Variants in DPP6 observed in about 807,000 individuals in gnomAD.
DPP6 encodes the protein A-type potassium channel modulatory protein DPP6.
Under a neutral mutation model 122.6 loss-of-function variants are expected in DPP6, and 69 were observed. That is an observed-to-expected ratio of 0.56 (90% CI 0.46 to 0.69). The LOEUF (loss-of-function observed/expected upper bound fraction) is 0.69, where lower values mean the gene tolerates loss of function less well. Among genes scored for constraint, DPP6 ranks in the 30% least tolerant of loss-of-function variants. The probability of loss-of-function intolerance (pLI) is 0.00; values close to 1 mark genes in which losing one functional copy is unlikely to be tolerated. For missense variants in DPP6, 928 were observed against 1,116.9 expected (o/e 0.83, Z 2.41); for synonymous variants, 418 against 433.1 (o/e 0.97, Z 0.43).
rs77923820 is a variant in DPP6, at chr7:154,189,420, A to T, written c.243+136357A>T. On this transcript the variant is annotated intron_variant, in intron 1 of 25. Coordinates refer to ENST00000377770, the MANE Select transcript of DPP6 (RefSeq NM_130797.4). The stretch of plus-strand genomic sequence containing the variant: ...AATTTAATATTAATACTGTTTATAC[A>T]GCAGCTATTAAAATAACTAGCACAT... Among the ~76,000 whole-genome samples, 1,326 of 152,328 alleles carry T rather than the reference A, an allele frequency of 8.7e-3. 17 individuals carry two copies. The highest frequency in any genetic ancestry group is 0.03 in the African/African-American group (1,263 of 41,560).
intron 1 of DPP6, among the ~76,000 whole-genome samples, chr7:153,950,955 A>G (rs1802182851): frequency 6.6e-6 from 1 of 152,174 alleles, no homozygotes; most frequent in Non-Finnish European, 1.5e-5. Context: ...GACAGGATGG[A>G]GCACAGGGAG....
At chr7:154,125,326 A>C (rs1563223054) in intron 1 of DPP6, among the ~76,000 whole-genome samples, 3 of 152,278 alleles carry the variant, frequency 2.0e-5, no homozygotes. Flanking sequence ...GCTTCTGTTT[A>C]TATACCGCCT....
chr7:154,354,167 C>T (rs1238346052), intron 1 of DPP6, among the ~76,000 whole-genome samples: 1 of 152,176 alleles, frequency 6.6e-6, no homozygotes, highest in Non-Finnish European at 1.5e-5. Context: ...CACCTAAACC[C>T]TTCTTCTCAG....
chr7:154,384,012 C>T (rs1813865236), intron 1 of DPP6, among the ~76,000 whole-genome samples: 1 of 152,202 alleles, frequency 6.6e-6, no homozygotes, highest in South Asian at 2.1e-4. Context: ...ACGGTGATGG[C>T]CTCCATGGTC....
At chr7:154,062,335 C>A (rs1370730743) in intron 1 of DPP6, among the ~76,000 whole-genome samples, 2 of 52,912 alleles carry the variant, frequency 3.8e-5, no homozygotes, top group East Asian at 5.1e-4. Context: ...GGGGGAGGCA[C>A]CCCCCGCGAG....
chr7:153,892,180 G>A (rs768543957), intron 1 of DPP6, among the ~76,000 whole-genome samples: 4 of 152,214 alleles, frequency 2.6e-5, no homozygotes, highest in African/African-American at 9.6e-5. Context: ...GCATTTGACC[G>A]TTTTGCTGAT....
intron 1 of DPP6, among the ~76,000 whole-genome samples, chr7:154,248,955 G>A (rs1233093201): frequency 6.6e-6 from 1 of 152,176 alleles, no homozygotes; most frequent in African/African-American, 2.4e-5. Flanking sequence ...GAAAGAAAAA[G>A]GGGACATGTC....
chr7:154,836,544 G>C (rs1049112458), intron 16 of DPP6, among the ~76,000 whole-genome samples: 4 of 152,100 alleles, frequency 2.6e-5, no homozygotes, highest in African/African-American at 7.2e-5. Context: ...CATTCATTAT[G>C]TGTTACAAAA....
intron 4 of DPP6, among the ~76,000 whole-genome samples, chr7:154,542,304 C>T (rs1828791880): frequency 1.3e-5 from 2 of 152,118 alleles, no homozygotes; most frequent in Non-Finnish European, 2.9e-5. Context: ...ATTCAACTCA[C>T]TTAGAAATAC....
chr7:154,873,996 GCACACATACA>G lies in DPP6; in HGVS notation c.1883+1311_1883+1320del, dbSNP rs1312086415. ...TAAGCACACACATGCATACCCACAT[GCACACATACA>G]CACACATGCACACACATACGTGTGC... On this transcript the variant is annotated intron_variant, in intron 19 of 25. Coordinates refer to ENST00000377770, the MANE Select transcript of DPP6 (RefSeq NM_130797.4). Among the ~76,000 whole-genome samples, 6 of 148,188 alleles carry G rather than the reference GCACACATACA, an allele frequency of 4.0e-5. No individual in the cohort carries two copies. In the South Asian group the frequency reaches 8.6e-4, roughly 21 times the overall value.
In DPP6 at chr7:154,803,939, G is replaced by A. The variant is rs1798535851; in HGVS notation, c.1483G>A (p.Glu495Lys). The change falls in exon 14 of 26, where the codon GAG (glutamate) becomes AAG (lysine). Residue 495 changes from glutamate to lysine, a missense_variant. Glu to Lys is a moderately conservative substitution (Grantham distance 56). Coordinates refer to ENST00000377770, the MANE Select transcript of DPP6 (RefSeq NM_130797.4). ...CGTGACCAAGATCCTAGCCTACGAT[G>A]AGAAGGGGAATAAGATGTGAGTGAG... The part of the protein sequence containing the change: ...WDVTKILAYD[E>K]KGNKIYFLST... 1 of 1,613,662 alleles carries A rather than the reference G, an allele frequency of 6.2e-7. No individual in the cohort carries two copies. The highest frequency in any genetic ancestry group is 1.3e-5 in the African/African-American group (1 of 74,952).
At chr7:153,966,482 C>T (rs1256526006) in intron 1 of DPP6, among the ~76,000 whole-genome samples, 2 of 147,508 alleles carry the variant, frequency 1.4e-5, no homozygotes, top group African/African-American at 5.0e-5. Context: ...CCGCCTTGGC[C>T]CCTTCTCCCG....
intron 1 of DPP6, among the ~76,000 whole-genome samples, chr7:154,348,563 A>G (rs1422820503): frequency 6.6e-6 from 1 of 152,218 alleles, no homozygotes; most frequent in African/African-American, 2.4e-5. Flanking sequence ...AAGTCATTTT[A>G]GACTCATGAA....
Position 154,340,892 on chromosome 7 carries a change from G to C in DPP6, c.244-105322G>C, listed in dbSNP as rs1268017800. 3.9e-5 allele frequency among the ~76,000 whole-genome samples: 6 copies of C among 152,098 alleles called. No individual in the cohort carries two copies. In the East Asian group the frequency reaches 9.6e-4, roughly 24 times the overall value. ...CCGTGTCCACTACAGAATGCCTGGC[G>C]CTGCTCTTTTTGGCTCTGAGTGTGC... On this transcript the variant is annotated intron_variant, in intron 1 of 25. Coordinates refer to ENST00000377770, the MANE Select transcript of DPP6 (RefSeq NM_130797.4).
At chr7:153,883,180 A>G (rs1798801395), upstream of DPP6, among the ~76,000 whole-genome samples, 1 of 152,206 alleles carries the variant, frequency 6.6e-6, no homozygotes, top group South Asian at 2.1e-4. Context: ...CCACCTTCAC[A>G]TCCCTGTTTG....
intron 1 of DPP6, among the ~76,000 whole-genome samples, chr7:154,336,214 A>C (rs1809405055): frequency 6.6e-6 from 1 of 152,102 alleles, no homozygotes; most frequent in Non-Finnish European, 1.5e-5. Flanking sequence ...CATAATACAG[A>C]CTTAGCAACC....
At chr7:153,828,085 G>T in the DPP6 span, among the ~76,000 whole-genome samples, 1 of 152,160 alleles carries the variant, frequency 6.6e-6, no homozygotes, top group African/African-American at 2.4e-5. Flanking sequence ...TCACCCCACA[G>T]CAGCAAGAAG....
At chr7:154,753,114 C>T (rs1380150358) in intron 8 of DPP6, among the ~76,000 whole-genome samples, 1 of 152,156 alleles carries the variant, frequency 6.6e-6, no homozygotes, top group Non-Finnish European at 1.5e-5. Context: ...CTTCCGAGAC[C>T]TTCACGCTTG....
At chr7:153,837,958 G>T in the DPP6 span, among the ~76,000 whole-genome samples, 1 of 150,462 alleles carries the variant, frequency 6.6e-6, no homozygotes, top group East Asian at 2.0e-4. Flanking sequence ...ACAGGTGTGA[G>T]CCACCATACC....
Sources: allele counts gnomAD v4.1 joint callset (sites outside exome capture counted in the v4.1 genomes callset), GRCh38; gene constraint gnomAD v4.1.1; transcripts MANE v1.5; gene names NCBI Gene and HGNC (gene_info 2026-07-23, HGNC 2026-07-21).